The following DPP10 variants were observed in gnomAD, a reference collection of about 807,000 sequenced individuals.
The protein encoded by DPP10 is inactive dipeptidyl peptidase 10.
In DPP10, 33 loss-of-function variants were observed where a neutral mutation model predicts 120.9. The observed-to-expected ratio is 0.27, with a 90% CI of 0.21 to 0.37. The LOEUF (loss-of-function observed/expected upper bound fraction) is 0.37, where lower values mean the gene tolerates loss of function less well. Among genes scored for constraint, DPP10 ranks in the 10% least tolerant of loss-of-function variants. The probability of loss-of-function intolerance (pLI) is 1.00; values close to 1 mark genes in which losing one functional copy is unlikely to be tolerated. For synonymous variants in DPP10, 337 were observed against 326.1 expected (o/e 1.03, Z -0.36); for missense variants, 816 against 942.8 (o/e 0.87, Z 1.76).
At chr2:114,685,190 G>T (rs769452365) in intron 1 of DPP10, among the ~76,000 whole-genome samples, 1 of 151,576 alleles carries the variant, frequency 6.6e-6, no homozygotes, top group Admixed American at 6.6e-5. Flanking sequence ...ATTATACCAG[G>T]TTCCTTTCTC....
At position 115,027,453 on chromosome 2, in the gene DPP10, A is replaced by C. The variant is rs138130303; in HGVS notation, c.61-281786A>C. ...TATTAGACAATTTTGCATTCTTGGG[A>C]TGAATCTCACTTGACTTATTTCACC... is the stretch of plus-strand genomic sequence containing the variant. On this transcript the variant is annotated intron_variant, in intron 1 of 25. Transcript: ENST00000410059. Among the ~76,000 whole-genome samples the C allele has an allele frequency of 1.4e-3, 215 of 152,210 alleles. 1 individual carries two copies. Among genetic ancestry groups the C allele is most frequent in the African/African-American group, 4.8e-3 (198 of 41,556 alleles).
At chr2:115,577,117 A>G (rs2081719523) in intron 5 of DPP10, among the ~76,000 whole-genome samples, 1 of 152,216 alleles carries the variant, frequency 6.6e-6, no homozygotes, top group Admixed American at 6.5e-5. Context: ...CTAAATGAAT[A>G]TGGCCAAGGC....
At chr2:115,150,454 T>C (rs955375458) in intron 1 of DPP10, among the ~76,000 whole-genome samples, 1 of 152,196 alleles carries the variant, frequency 6.6e-6, no homozygotes, top group Non-Finnish European at 1.5e-5. Flanking sequence ...ACTTTTCCAA[T>C]ATTATACACA....
At chr2:114,803,658 C>A (rs746386012) in intron 1 of DPP10, among the ~76,000 whole-genome samples, 25 of 152,094 alleles carry the variant, frequency 1.6e-4, no homozygotes, top group Non-Finnish European at 3.1e-4. Context: ...CCTAGAGATC[C>A]ATGGAATTTT....
intron 21 of DPP10, among the ~76,000 whole-genome samples, chr2:115,833,855 A>G (rs7560452): frequency 0.013 from 1,968 of 152,218 alleles, 45 homozygotes; most frequent in African/African-American, 0.043. Flanking sequence ...TTCTGACCCC[A>G]AGCATTTCAG....
chr2:115,207,416 CAAAAAAAAAAAAA>C lies in DPP10; in HGVS notation c.61-101805_61-101793del, dbSNP rs57462947. On this transcript the variant is annotated intron_variant, in intron 1 of 25. Transcript: ENST00000410059. Reference sequence around the variant, plus strand: ...GGTTTTTAAAGAGTGCTTACTGCACCAAAAAAAAAAAAAAAAAAAAAAAAAAAAAAGCTTTCTC... The same window carrying C: ...GGTTTTTAAAGAGTGCTTACTGCACCAAAAAAAAAAAAAAAAAGCTTTCTC... Among the ~76,000 whole-genome samples the C allele has an allele frequency of 4.6e-4, 24 of 52,298 alleles. No homozygotes were observed. The East Asian group carries it at 9.1e-3, about 20-fold the overall frequency. The allele number at this position is 52,298 out of a possible 152,430, so 34.3% of individuals were successfully genotyped here.
At chr2:115,585,800 G>A (rs760178364) in intron 5 of DPP10, among the ~76,000 whole-genome samples, 15 of 151,672 alleles carry the variant, frequency 9.9e-5, no homozygotes, top group South Asian at 2.1e-4. Flanking sequence ...ATCTATCCAC[G>A]TCGCCACTTC....
At chr2:115,630,741 C>G (rs1431724874) in intron 5 of DPP10, among the ~76,000 whole-genome samples, 3 of 152,006 alleles carry the variant, frequency 2.0e-5, no homozygotes, top group Admixed American at 2.0e-4. Context: ...GCCTTGTATC[C>G]CAGGGATGAA....
intron 4 of DPP10, among the ~76,000 whole-genome samples, chr2:115,502,025 T>C (rs1345104559): frequency 6.6e-6 from 1 of 152,078 alleles, no homozygotes; most frequent in Admixed American, 6.6e-5. Context: ...ATACTATTGA[T>C]GAAAATGTCA....
At chr2:115,075,560 A>G (rs1707716954) in intron 1 of DPP10, among the ~76,000 whole-genome samples, 1 of 152,128 alleles carries the variant, frequency 6.6e-6, no homozygotes, top group Non-Finnish European at 1.5e-5. Context: ...AATAATTCTC[A>G]TGTTTGTCAG....
At chr2:114,740,220 A>G (rs1677889549) in intron 1 of DPP10, among the ~76,000 whole-genome samples, 1 of 151,722 alleles carries the variant, frequency 6.6e-6, no homozygotes, top group African/African-American at 2.4e-5. Flanking sequence ...ACATGGATGA[A>G]ATTGGAAACC....
chr2:115,533,684 G>A (rs758992674), intron 5 of DPP10, among the ~76,000 whole-genome samples: 6 of 151,872 alleles, frequency 4.0e-5, no homozygotes, highest in Non-Finnish European at 7.4e-5. Context: ...TCATACATTC[G>A]GGGTTCACTA....
intron 1 of DPP10, among the ~76,000 whole-genome samples, chr2:115,152,335 G>A (rs370919299): frequency 6.6e-6 from 1 of 152,114 alleles, no homozygotes; most frequent in African/African-American, 2.4e-5. Flanking sequence ...TTTGGCCTCT[G>A]GGCTACAATT....
At chr2:115,540,762 A>G (rs886432615) in intron 5 of DPP10, among the ~76,000 whole-genome samples, 4 of 151,872 alleles carry the variant, frequency 2.6e-5, no homozygotes, top group Non-Finnish European at 4.4e-5. Context: ...AACATTAGCA[A>G]TTTTCAATCC....
intron 19 of DPP10, among the ~76,000 whole-genome samples, chr2:115,807,735 A>C (rs1245974543): frequency 6.6e-6 from 1 of 152,048 alleles, no homozygotes; most frequent in Non-Finnish European, 1.5e-5. Context: ...GCTAGGGGAG[A>C]GATCCAAAAA....
At chr2:115,300,966 C>T (rs1232440658) in intron 1 of DPP10, among the ~76,000 whole-genome samples, 3 of 151,894 alleles carry the variant, frequency 2.0e-5, no homozygotes, top group Non-Finnish European at 4.4e-5. Flanking sequence ...TCACTGTAGA[C>T]TGTGTGGAGG....
At chr2:115,258,317 CTCT>C (rs1360912365) in intron 1 of DPP10, among the ~76,000 whole-genome samples, 1 of 152,028 alleles carries the variant, frequency 6.6e-6, no homozygotes, top group Non-Finnish European at 1.5e-5. Context: ...GAATTTTTCT[CTCT>C]TAATTTTCAT....
At chr2:114,781,630 C>A (rs1682335177) in intron 1 of DPP10, among the ~76,000 whole-genome samples, 1 of 152,038 alleles carries the variant, frequency 6.6e-6, no homozygotes, top group South Asian at 2.1e-4. Flanking sequence ...TGGTAGAGAA[C>A]CTCTTCACCC....
intron 8 of DPP10, among the ~76,000 whole-genome samples, chr2:115,729,312 C>A (rs899819216): frequency 2.0e-5 from 3 of 152,082 alleles, no homozygotes; most frequent in Admixed American, 6.6e-5. Context: ...TAAGACGTGC[C>A]CTTTTTCTTC....
Sources: gnomAD v4.1 joint callset for allele counts (sites outside exome capture counted in the v4.1 genomes callset) on GRCh38, gnomAD v4.1.1 for gene constraint, MANE v1.5 for transcripts, NCBI Gene and HGNC (gene_info 2026-07-23, HGNC 2026-07-21) for gene names.